CKAP5: variants seen among roughly 807,000 people sequenced by gnomAD.
CKAP5 encodes the protein cytoskeleton associated protein 5.
CKAP5 carries 27 observed loss-of-function variants against 232.8 expected under a neutral mutation model. That is an observed-to-expected ratio of 0.12 (90% confidence interval 0.09 to 0.16). The LOEUF (loss-of-function observed/expected upper bound fraction) is 0.16, where lower values mean the gene tolerates loss of function less well. Among genes scored for constraint, CKAP5 ranks in the 10% least tolerant of loss-of-function variants. The pLI is 1.00. For synonymous variants in CKAP5, 785 were observed against 841.1 expected (o/e 0.93, Z 1.16); for missense variants, 1,838 against 2,424.7 (o/e 0.76, Z 5.08).
At chr11:46,845,872 G>C (rs1003403444) in intron 1 of CKAP5, among the ~76,000 whole-genome samples, 2 of 152,144 alleles carry the variant, frequency 1.3e-5, no homozygotes, top group African/African-American at 2.4e-5. Flanking sequence ...TAGCAGGGCC[G>C]GCTCTCGGGG....
intron 23 of CKAP5, among the ~76,000 whole-genome samples, chr11:46,776,898 A>G (rs946342785): frequency 6.6e-6 from 1 of 152,190 alleles, no homozygotes; most frequent in Non-Finnish European, 1.5e-5. Flanking sequence ...ATATTCAAAT[A>G]TTTAGTCTAC....
At chr11:46,789,226 G>A (rs2065425006) in intron 15 of CKAP5, among the ~76,000 whole-genome samples, 2 of 152,182 alleles carry the variant, frequency 1.3e-5, no homozygotes, top group African/African-American at 2.4e-5. Flanking sequence ...GGCAGCAGAC[G>A]CAGGACTAGA....
intron 18 of CKAP5, 76 bp downstream of exon 18, chr11:46,783,198 C>A: frequency 2.6e-6 from 2 of 783,714 alleles, no homozygotes; most frequent in Admixed American, 2.3e-5. Flanking sequence ...ACAGCAATAG[C>A]TATTATTATA....
chr11:46,842,967 A>AAAATAATGATAATAATAAT (rs1491189091), intron 1 of CKAP5, among the ~76,000 whole-genome samples: 4 of 70,698 alleles, frequency 5.7e-5, no homozygotes, highest in Non-Finnish European at 1.1e-4. Flanking sequence ...ACTCCGTCTC[A>AAAATAATGATAATAATAAT]AAAAAAAAAA....
chr11:46,845,645 G>T (rs1004413118), intron 1 of CKAP5, among the ~76,000 whole-genome samples: 1 of 152,162 alleles, frequency 6.6e-6, no homozygotes. Context: ...ACACCAGAAC[G>T]CTCCCGACAC....
At chr11:46,771,446 G>A (rs755434453) in intron 24 of CKAP5, among the ~76,000 whole-genome samples, 21 of 152,070 alleles carry the variant, frequency 1.4e-4, no homozygotes, top group East Asian at 3.8e-4. Context: ...TTTCACTCCC[G>A]TCACCCAGGC....
At chr11:46,775,458 C>A (rs1234148353) in intron 24 of CKAP5, among the ~76,000 whole-genome samples, 5 of 152,204 alleles carry the variant, frequency 3.3e-5, no homozygotes, top group Non-Finnish European at 5.9e-5. Flanking sequence ...TTTGACCCAG[C>A]AATCCCATTA....
At chr11:46,810,388 A>G (rs1195358536) in intron 5 of CKAP5, among the ~76,000 whole-genome samples, 1 of 152,116 alleles carries the variant, frequency 6.6e-6, no homozygotes, top group African/African-American at 2.4e-5. Flanking sequence ...GGCTCACTGC[A>G]GCCTCCACCT....
At chr11:46,818,221 C>A in intron 3 of CKAP5, 89 bp downstream of exon 3, 2 of 1,000,632 alleles carry the variant, frequency 2.0e-6, no homozygotes, top group Non-Finnish European at 1.4e-6. Context: ...TCTAAAACTG[C>A]TAATAACTAA....
At chr11:46,820,994 CA>C in intron 2 of CKAP5, 180 bp downstream of exon 2, 3 of 535,340 alleles carry the variant, frequency 5.6e-6, no homozygotes, top group Non-Finnish European at 9.9e-6. Flanking sequence ...TTTCCAGAGA[CA>C]AAAAAATTTT....
At chr11:46,794,953 C>T (rs1413000268) in intron 13 of CKAP5, among the ~76,000 whole-genome samples, 1 of 152,136 alleles carries the variant, frequency 6.6e-6, no homozygotes, top group Non-Finnish European at 1.5e-5. Flanking sequence ...AGTGTTAAAA[C>T]ATGAAAAGCA....
Position 46,797,943 on chromosome 11 carries a change from A to G in CKAP5, c.1200T>C (p.Asp400=). 1 of 1,613,970 alleles carries G rather than the reference A, an allele frequency of 6.2e-7. No individual in the cohort carries two copies. Residue 400 remains aspartate (D), a synonymous_variant, in exon 11 of 44, where the codon GAT becomes GAC. Coordinates refer to ENST00000529230, the MANE Select transcript of CKAP5 (RefSeq NM_001008938.4). ...TTTTATTATCCATTACTGCTAAAAC[A>G]TCCTCACTGATGTTCTGTAGTGTGG... ...LTTTLQNISE[D]VLAVMDNKNP...
intron 3 of CKAP5, 63 bp from the exon 4 acceptor site, chr11:46,816,467 G>A: frequency 7.9e-7 from 1 of 1,265,140 alleles, no homozygotes; most frequent in Non-Finnish European, 1.1e-6. Flanking sequence ...AAAGGTCACG[G>A]AAAGGGGGTG....
At chr11:46,795,855 CA>C in intron 12 of CKAP5, 79 bp from the exon 13 acceptor site, 1 of 1,213,698 alleles carries the variant, frequency 8.2e-7, no homozygotes, top group South Asian at 1.3e-5. Flanking sequence ...TTCTAAACCA[CA>C]ACTACACATA....
intron 14 of CKAP5, 22 bp from the exon 15 acceptor site, chr11:46,790,208 T>C (rs1468344176): frequency 1.3e-6 from 2 of 1,506,386 alleles, no homozygotes; most frequent in African/African-American, 1.4e-5. Context: ...AAAAACATAT[T>C]AGAATTAGGA....
At chr11:46,821,141 CG>C (rs1483485047) in intron 2 of CKAP5, 33 bp downstream of exon 2, 2 of 1,544,052 alleles carry the variant, frequency 1.3e-6, no homozygotes, top group African/African-American at 2.7e-5. Flanking sequence ...AACAAGCCAA[CG>C]ACACTGAAAA....
In CKAP5 at chr11:46,790,081, G is replaced by A. The variant is rs1318031760; in HGVS notation, c.1870C>T (p.Gln624Ter). 1 of 1,603,366 alleles carries A rather than the reference G, an allele frequency of 6.2e-7. No individual in the cohort carries two copies. Among genetic ancestry groups the A allele is most frequent in the East Asian group, 2.2e-5 (1 of 44,760 alleles). Residue 624 changes from glutamine to a stop codon, truncating the protein, a stop_gained, in exon 15 of 44, where the codon CAG becomes TAG. Coordinates refer to ENST00000529230, the MANE Select transcript of CKAP5 (RefSeq NM_001008938.4). LOFTEE classifies it high-confidence loss of function. ...AATTCTTCCCTATGCACTACCTTCT[G>A]GAACTCTTCCATACAAGCCAGCCTT... is the stretch of plus-strand genomic sequence containing the variant. ...KERLACMEEF[Q>*]KAVELMDRTE... is the part of the protein sequence containing the mutation.
At chr11:46,785,817 C>T (rs770982461) in intron 16 of CKAP5, among the ~76,000 whole-genome samples, 10 of 151,986 alleles carry the variant, frequency 6.6e-5, no homozygotes, top group Non-Finnish European at 2.9e-5. Context: ...TGGTGGCCCT[C>T]GCCTGTAGTC....
intron 9 of CKAP5, among the ~76,000 whole-genome samples, chr11:46,800,002 A>G (rs1033089733): frequency 2.7e-5 from 4 of 150,750 alleles, no homozygotes; most frequent in African/African-American, 4.9e-5. Flanking sequence ...CCCTGTCTCA[A>G]AAAAAAAAAA....
Sources: allele counts gnomAD v4.1 joint callset (sites outside exome capture counted in the v4.1 genomes callset), GRCh38; gene constraint gnomAD v4.1.1; transcripts MANE v1.5; gene names NCBI Gene and HGNC (gene_info 2026-07-23, HGNC 2026-07-21).